Variants in SENP1 observed in about 807,000 individuals in gnomAD.
SENP1 encodes the protein sentrin-specific protease 1.
SENP1 carries 21 observed loss-of-function variants against 93.0 expected under a neutral mutation model. That is an observed-to-expected ratio of 0.23 (90% confidence interval 0.16 to 0.33). SENP1 has a LOEUF of 0.33. Ranked by LOEUF, SENP1 falls within the 10% of genes least tolerant of loss-of-function variation. The pLI, the probability that SENP1 is intolerant of heterozygous loss-of-function variation, is 1.00. For missense variants in SENP1, 591 were observed against 758.7 expected, an observed-to-expected ratio of 0.78 and a Z score of 2.60; for synonymous variants, 256 against 259.6, an observed-to-expected ratio of 0.99 and a Z score of 0.13.
At chr12:48,077,840 G>A (rs1166370791) in intron 6 of SENP1, among the ~76,000 whole-genome samples, 4 of 151,666 alleles carry the variant, frequency 2.6e-5, no homozygotes, top group Non-Finnish European at 5.9e-5. Context: ...ACTATAGCTT[G>A]GTAGTATAGT....
At chr12:48,055,669 A>G (rs1464266040) in intron 13 of SENP1, 2 of 151,874 alleles carry the variant, frequency 1.3e-5, no homozygotes, top group Non-Finnish European at 1.5e-5. Context: ...GAGATGTGCT[A>G]TAAGTGTAAA....
chr12:48,100,492 T>G (rs7304428), intron 2 of SENP1, among the ~76,000 whole-genome samples: 79,136 of 151,906 alleles, frequency 0.52, 20,970 homozygotes, highest in East Asian at 0.84. Context: ...TTAGCCGGAC[T>G]TGGCGGCGCA....
At chr12:48,083,934 C>T (rs1944659401) in intron 5 of SENP1, among the ~76,000 whole-genome samples, 172 bp from the exon 6 acceptor site, 1 of 152,178 alleles carries the variant, frequency 6.6e-6, no homozygotes, top group Non-Finnish European at 1.5e-5. Context: ...TATAAGGATG[C>T]TGCATCAGGT....
chr12:48,102,942 C>A (rs1216220898), intron 1 of SENP1, among the ~76,000 whole-genome samples: 1 of 152,036 alleles, frequency 6.6e-6, no homozygotes, highest in African/African-American at 2.4e-5. Flanking sequence ...AATATATTTC[C>A]AAATGCTCAA....
At chr12:48,098,225 C>G in intron 2 of SENP1, 101 bp from the exon 3 acceptor site, 1 of 1,172,920 alleles carries the variant, frequency 8.5e-7, no homozygotes, top group East Asian at 2.6e-5. Context: ...CCCACCCAGG[C>G]ATGGTGTCTC....
intron 5 of SENP1, among the ~76,000 whole-genome samples, chr12:48,086,294 G>C (rs894848663): frequency 6.6e-6 from 1 of 152,136 alleles, no homozygotes; most frequent in African/African-American, 2.4e-5. Flanking sequence ...AAGGAAAAAT[G>C]CAATCAGAAT....
chr12:48,096,750 C>T (rs1945589850), intron 3 of SENP1, among the ~76,000 whole-genome samples: 1 of 152,096 alleles, frequency 6.6e-6, no homozygotes, highest in Admixed American at 6.6e-5. Context: ...GCCACCGCGC[C>T]CGGCCATGTC....
intron 13 of SENP1, among the ~76,000 whole-genome samples, chr12:48,057,229 ATT>A (rs1445241726): frequency 1.4e-5 from 2 of 142,966 alleles, no homozygotes; most frequent in African/African-American, 5.1e-5. Flanking sequence ...TAAAAAATAC[ATT>A]ATATATATAT....
At chr12:48,093,559 C>T (rs1399340448) in intron 4 of SENP1, among the ~76,000 whole-genome samples, 1 of 151,944 alleles carries the variant, frequency 6.6e-6, no homozygotes, top group Non-Finnish European at 1.5e-5. Flanking sequence ...GTTGAGATTA[C>T]AGGCCTGAGC....
chr12:48,084,369 G>T (rs1330152072), intron 5 of SENP1, among the ~76,000 whole-genome samples: 1 of 151,648 alleles, frequency 6.6e-6, no homozygotes, highest in African/African-American at 2.4e-5. Context: ...CTATCTAATG[G>T]GAAAAATTGG....
chr12:48,083,628 T>A lies in SENP1; in HGVS notation c.515A>T (p.Lys172Met). Reference protein sequence around the residue: ...GSCRRSLLSPKKTQRRHVSTA... With the variant: ...GSCRRSLLSPMKTQRRHVSTA... ...ACTAACATGTCGCCTCTGAGTTTTCTTGGGGCTCAAAAGACTTCGACGACA... is the reference window on the plus strand; with the variant it reads ...ACTAACATGTCGCCTCTGAGTTTTCATGGGGCTCAAAAGACTTCGACGACA... The change falls in exon 6 of 18, where the codon AAG (lysine) becomes ATG (methionine). Residue 172 changes from lysine to methionine, a missense_variant. Lys to Met is a moderately conservative substitution (Grantham distance 95). Around this residue, in one of 4 missense-constraint regions of SENP1, gnomAD observed 214 missense variants for 243.4 expected, o/e 0.88. Transcript: ENST00000549518. 3 of 1,613,892 alleles carry A rather than the reference T, an allele frequency of 1.9e-6. No homozygotes were observed. The highest frequency in any genetic ancestry group is 2.5e-6 in the Non-Finnish European group (3 of 1,179,838).
chr12:48,048,978 A>G lies in SENP1; in HGVS notation c.1562T>C (p.Val521Ala), dbSNP rs938772529. 13 of 1,613,680 alleles carry G rather than the reference A, an allele frequency of 8.1e-6. No individual in the cohort carries two copies. In the Admixed American group the frequency reaches 1.5e-4, roughly 19 times the overall value. The change falls in exon 14 of 18, where the codon GTT becomes GCT. Residue 521 changes from valine (V) to alanine (A), a missense_variant. This residue lies in a region of SENP1 where 132 missense variants were observed against 230.1 expected (regional missense o/e 0.57). Coordinates refer to ENST00000549518, the MANE Select transcript of SENP1 (RefSeq NM_001267594.2). ...GTGAATGGGCACCAAAAGAATGTCA[A>G]CAGAAAATACATCTACTTTCTTTGT... ...RWTKKVDVFS[V>A]DILLVPIHLG...
intron 4 of SENP1, among the ~76,000 whole-genome samples, chr12:48,095,114 A>C (rs1009076865): frequency 6.6e-6 from 1 of 152,222 alleles, no homozygotes; most frequent in African/African-American, 2.4e-5. Flanking sequence ...TATAGTATGA[A>C]TCTAAAAGAG....
intron 6 of SENP1, among the ~76,000 whole-genome samples, chr12:48,078,368 CACAT>C (rs1565782021): frequency 9.8e-5 from 7 of 71,218 alleles, no homozygotes; most frequent in Non-Finnish European, 2.1e-4. Flanking sequence ...CACACACATA[CACAT>C]ATATACTTAT....
intron 4 of SENP1, among the ~76,000 whole-genome samples, chr12:48,091,552 A>G (rs1945227295): frequency 6.6e-6 from 1 of 152,222 alleles, no homozygotes; most frequent in Non-Finnish European, 1.5e-5. Flanking sequence ...GGATGTTTAA[A>G]TAATATTACC....
chr12:48,096,062 G>A (rs1249937876), intron 4 of SENP1, among the ~76,000 whole-genome samples: 1 of 152,006 alleles, frequency 6.6e-6, no homozygotes, highest in Non-Finnish European at 1.5e-5. Context: ...CCCAAAAAAA[G>A]GTCAAAAACA....
At chr12:48,067,001 A>G (rs1421836716) in intron 9 of SENP1, 36 bp from the exon 10 acceptor site, 1 of 1,394,920 alleles carries the variant, frequency 7.2e-7, no homozygotes, top group Non-Finnish European at 9.9e-7. Context: ...ACAAATGAGC[A>G]GGAGGCTTAT....
intron 2 of SENP1, among the ~76,000 whole-genome samples, chr12:48,099,389 GA>G (rs1945773342): frequency 6.6e-6 from 1 of 151,994 alleles, no homozygotes; most frequent in African/African-American, 2.4e-5. Flanking sequence ...GCTCCCAAAA[GA>G]AACTTTTTAA....
intron 13 of SENP1, among the ~76,000 whole-genome samples, chr12:48,056,326 AAATATTATTT>A (rs1942330010): frequency 1.1e-5 from 1 of 94,924 alleles, no homozygotes; most frequent in Non-Finnish European, 1.8e-5. Context: ...TCACATATAT[AAATATTATTT>A]AATATATTAC....
Sources: gnomAD v4.1 joint callset for allele counts (sites outside exome capture counted in the v4.1 genomes callset) on GRCh38, gnomAD v4.1.1 for gene constraint, gnomAD v4.1.1 regional missense constraint, MANE v1.5 for transcripts, NCBI Gene and HGNC (gene_info 2026-07-23, HGNC 2026-07-21) for gene names.